Variants in CDK14 observed in about 807,000 individuals in gnomAD.
CDK14 encodes cyclin-dependent kinase 14.
A neutral mutation model predicts 60.7 loss-of-function variants in CDK14; 34 were observed. That is an observed-to-expected ratio of 0.56 (90% CI 0.43 to 0.75). The LOEUF is 0.75. CDK14 is among the 30% of genes least tolerant of loss of function. The pLI is 0.00. For missense variants in CDK14, 482 were observed against 564.1 expected, an observed-to-expected ratio of 0.85 and a Z score of 1.47; for synonymous variants, 197 against 203.7, an observed-to-expected ratio of 0.97 and a Z score of 0.28.
At chr7:90,882,624 C>G (rs1791801336) in intron 6 of CDK14, among the ~76,000 whole-genome samples, 1 of 152,178 alleles carries the variant, frequency 6.6e-6, no homozygotes, top group African/African-American at 2.4e-5. Flanking sequence ...CTCTCTACCC[C>G]AAATCAACAG....
intron 2 of CDK14, among the ~76,000 whole-genome samples, chr7:90,619,706 A>G (rs911856900): frequency 2.6e-5 from 4 of 152,178 alleles, no homozygotes; most frequent in Admixed American, 2.6e-4. Context: ...ATACTGAAGG[A>G]AAAAAAGAAC....
At chr7:90,603,976 A>G (rs1275918117) in intron 1 of CDK14, among the ~76,000 whole-genome samples, 1 of 152,238 alleles carries the variant, frequency 6.6e-6, no homozygotes, top group African/African-American at 2.4e-5. Context: ...CTTCTTTCTA[A>G]TATCTGGGAG....
chr7:90,755,722 T>C (rs1804028492), intron 4 of CDK14, among the ~76,000 whole-genome samples: 1 of 152,182 alleles, frequency 6.6e-6, no homozygotes, highest in African/African-American at 2.4e-5. Flanking sequence ...ACCATATTGC[T>C]TGAGAATTTT....
chr7:90,873,466 T>G, intron 6 of CDK14, among the ~76,000 whole-genome samples: 1 of 152,208 alleles, frequency 6.6e-6, no homozygotes, highest in Non-Finnish European at 1.5e-5. Context: ...TGCATTCTAT[T>G]TAGTGTTTTT....
At chr7:91,112,823 G>GTGTA (rs1799506257) in intron 13 of CDK14, 142 bp downstream of exon 13, 1 of 266,980 alleles carries the variant, frequency 3.7e-6, no homozygotes, top group African/African-American at 3.1e-5. Flanking sequence ...TGCATTACAG[G>GTGTA]TGTGTGTGTG....
At position 91,050,509 on chromosome 7, in the gene CDK14, ATATAACCTG is replaced by A. The variant is rs202212488; in HGVS notation, c.1105+4554_1105+4562del. Among the ~76,000 whole-genome samples, 1,091 of 152,358 alleles carry A rather than the reference ATATAACCTG, an allele frequency of 7.2e-3. 15 individuals are homozygous for A. Among genetic ancestry groups the A allele is most frequent in the African/African-American group, 0.025 (1,044 of 41,584 alleles). ...TAAAAACTGAACTTTATTCTTTACTATATAACCTGTATATCTTCTTCTGTGCTTACACAA... is the reference window on the plus strand; with the variant it reads ...TAAAAACTGAACTTTATTCTTTACTATATATCTTCTTCTGTGCTTACACAA... On this transcript the variant is annotated intron_variant, in intron 11 of 14. Coordinates refer to ENST00000380050, the MANE Select transcript of CDK14 (RefSeq NM_001287135.2).
At chr7:90,937,350 A>G (rs1487463060) in intron 8 of CDK14, among the ~76,000 whole-genome samples, 3 of 152,142 alleles carry the variant, frequency 2.0e-5, no homozygotes, top group Non-Finnish European at 2.9e-5. Context: ...TTTTTATTGC[A>G]TTATATTTTA....
At chr7:90,757,430 A>G (rs140067536) in intron 4 of CDK14, among the ~76,000 whole-genome samples, 191 of 152,268 alleles carry the variant, frequency 1.3e-3, no homozygotes, top group African/African-American at 4.4e-3. Flanking sequence ...GAACAGTTCA[A>G]TCCATAACAC....
intron 14 of CDK14, among the ~76,000 whole-genome samples, chr7:91,194,706 G>T (rs932982385): frequency 6.6e-6 from 1 of 152,162 alleles, no homozygotes; most frequent in African/African-American, 2.4e-5. Flanking sequence ...TTGTTCTTTA[G>T]CATCCATGTG....
At chr7:90,660,581 G>A (rs979481939) in intron 2 of CDK14, among the ~76,000 whole-genome samples, 1 of 152,174 alleles carries the variant, frequency 6.6e-6, no homozygotes, top group African/African-American at 2.4e-5. Flanking sequence ...AATTTCTGGT[G>A]TCAAAATGTG....
At chr7:90,914,256 T>C (rs188526595) in intron 7 of CDK14, among the ~76,000 whole-genome samples, 185 of 152,334 alleles carry the variant, frequency 1.2e-3, no homozygotes, top group African/African-American at 4.1e-3. Flanking sequence ...GACAAGTTTC[T>C]TGTGATTCGT....
chr7:90,995,313 G>C (rs999707585), intron 10 of CDK14, among the ~76,000 whole-genome samples: 41 of 152,278 alleles, frequency 2.7e-4, no homozygotes, highest in Middle Eastern at 3.4e-3. Flanking sequence ...CCTGAGGCTT[G>C]ACCTAAGCTT....
Position 90,670,992 on chromosome 7 carries a change from GA to G in CDK14, c.124-55567del, listed in dbSNP as rs1035259516. 5.3e-5 allele frequency among the ~76,000 whole-genome samples: 8 copies of G among 151,848 alleles called. No homozygotes were observed. The East Asian group carries it at 1.2e-3, about 22-fold the overall frequency. On this transcript the variant is annotated intron_variant, in intron 2 of 14. Transcript: ENST00000380050. ...TGGGCTTTACAGTAAAATTGCTGAG[GA>G]AAAAAAATAAAGAATAGGGGAGGTT...
At chr7:90,758,275 T>C (rs1330886170) in intron 4 of CDK14, among the ~76,000 whole-genome samples, 4 of 148,568 alleles carry the variant, frequency 2.7e-5, no homozygotes, top group Non-Finnish European at 4.5e-5. Flanking sequence ...TCTCTTTGTC[T>C]CTCTCTCTCT....
At chr7:90,740,990 C>G (rs1803320066) in intron 3 of CDK14, among the ~76,000 whole-genome samples, 1 of 152,010 alleles carries the variant, frequency 6.6e-6, no homozygotes, top group South Asian at 2.1e-4. Context: ...GCTCTAGGAG[C>G]TCTGATTTTG....
At chr7:90,640,219 G>T (rs181016107) in intron 2 of CDK14, among the ~76,000 whole-genome samples, 2 of 152,174 alleles carry the variant, frequency 1.3e-5, no homozygotes, top group East Asian at 3.9e-4. Context: ...CGTGGCTCAC[G>T]CTGGGAGCTG....
intron 5 of CDK14, 35 bp from the exon 6 acceptor site, chr7:90,863,140 C>A (rs373706220): frequency 1.1e-5 from 13 of 1,176,656 alleles, no homozygotes; most frequent in Non-Finnish European, 1.6e-5. Context: ...TTGTTATCCA[C>A]GATAAATTGT....
chr7:91,101,225 A>G (rs935177327), intron 12 of CDK14, among the ~76,000 whole-genome samples: 1 of 152,240 alleles, frequency 6.6e-6, no homozygotes, highest in East Asian at 1.9e-4. Flanking sequence ...ATGTACAGCT[A>G]GCAATAACTC....
Position 91,031,968 on chromosome 7 carries a change from C to G in CDK14, c.1042-13929C>G, listed in dbSNP as rs140454826. ...CCTTCCGTCTGTCAGTCTTTGCCGGCCTTGCATACATAAGCCTCTCTTTGT... is the reference window on the plus strand; with the variant it reads ...CCTTCCGTCTGTCAGTCTTTGCCGGGCTTGCATACATAAGCCTCTCTTTGT... On this transcript the variant is annotated intron_variant, in intron 10 of 14. Transcript: ENST00000380050. 3.3e-3 allele frequency among the ~76,000 whole-genome samples: 501 copies of G among 152,250 alleles called. 2 individuals are homozygous for G. Among genetic ancestry groups the G allele is most frequent in the Middle Eastern group, 6.8e-3 (2 of 294 alleles).
Sources: gnomAD v4.1 joint callset for allele counts (sites outside exome capture counted in the v4.1 genomes callset) on GRCh38, gnomAD v4.1.1 for gene constraint, MANE v1.5 for transcripts, NCBI Gene and HGNC (gene_info 2026-07-23, HGNC 2026-07-21) for gene names.